Variants in TOX observed in about 807,000 individuals in gnomAD.
The protein encoded by TOX is thymocyte selection-associated high mobility group box protein TOX.
A neutral mutation model predicts 53.7 loss-of-function variants in TOX; 11 were observed. The ratio of observed to expected loss-of-function variants is 0.20; its 90% CI spans 0.13 to 0.34. The LOEUF is 0.34. TOX is among the 10% of genes least tolerant of loss of function. TOX has a pLI of 1.00. For missense variants in TOX, 570 were observed against 664.6 expected (o/e 0.86, Z 1.56); for synonymous variants, 225 against 245.3 (o/e 0.92, Z 0.77).
chr8:58,983,021 C>T (rs147052279), intron 1 of TOX, among the ~76,000 whole-genome samples: 78 of 152,314 alleles, frequency 5.1e-4, no homozygotes, highest in African/African-American at 1.5e-3. Context: ...TTTAACCATC[C>T]TTCTTCTGCA....
chr8:58,998,529 ATATATAT>A (rs2129417936), intron 1 of TOX, among the ~76,000 whole-genome samples: 1 of 15,852 alleles, frequency 6.3e-5, no homozygotes, highest in South Asian at 3.2e-3. Context: ...ATATATATAT[ATATATAT>A]ATAAATTTAT....
intron 1 of TOX, among the ~76,000 whole-genome samples, chr8:59,012,144 C>A (rs1813917998): frequency 6.6e-6 from 1 of 152,088 alleles, no homozygotes; most frequent in Non-Finnish European, 1.5e-5. Flanking sequence ...AGTAAAAATG[C>A]ATAAATGACC....
At chr8:58,879,905 C>A (rs1320120936) in intron 3 of TOX, among the ~76,000 whole-genome samples, 1 of 152,092 alleles carries the variant, frequency 6.6e-6, no homozygotes, top group Non-Finnish European at 1.5e-5. Context: ...ACTGGTACAA[C>A]CCATTTTTAA....
At chr8:59,082,361 G>A (rs1804425259) in intron 1 of TOX, among the ~76,000 whole-genome samples, 1 of 152,216 alleles carries the variant, frequency 6.6e-6, no homozygotes, top group Non-Finnish European at 1.5e-5. Context: ...TTGGCCTTGA[G>A]GCCATGAGAT....
chr8:58,956,443 G>C (rs1253304944), intron 2 of TOX, among the ~76,000 whole-genome samples: 2 of 152,132 alleles, frequency 1.3e-5, no homozygotes, highest in African/African-American at 4.8e-5. Context: ...TTATTGTATA[G>C]ATTTAGGGTG....
intron 3 of TOX, among the ~76,000 whole-genome samples, chr8:58,875,350 C>T (rs1348472508): frequency 2.0e-5 from 3 of 152,042 alleles, no homozygotes; most frequent in Admixed American, 6.6e-5. Context: ...TCAAAGATCT[C>T]GAAGTTAAAG....
chr8:58,880,886 C>T (rs931261426), intron 3 of TOX, among the ~76,000 whole-genome samples: 2 of 152,102 alleles, frequency 1.3e-5, no homozygotes, highest in Non-Finnish European at 2.9e-5. Context: ...TGGAAGTTAT[C>T]CTTGAATAGC....
chr8:58,975,088 G>A (rs1341313658), intron 1 of TOX, among the ~76,000 whole-genome samples: 1 of 151,318 alleles, frequency 6.6e-6, no homozygotes, highest in Admixed American at 6.6e-5. Flanking sequence ...TATGTATAAA[G>A]TTGTACATAT....
chr8:58,836,312 G>A (rs1387324102), intron 5 of TOX, among the ~76,000 whole-genome samples: 1 of 152,128 alleles, frequency 6.6e-6, no homozygotes, highest in East Asian at 1.9e-4. Context: ...CATCAGTTGG[G>A]AACCACACCT....
intron 1 of TOX, among the ~76,000 whole-genome samples, chr8:59,012,465 C>T (rs1249511307): frequency 1.3e-5 from 2 of 151,714 alleles, no homozygotes; most frequent in African/African-American, 4.8e-5. Flanking sequence ...CTGACCTGAC[C>T]CCATGCTTTG....
chr8:58,925,009 A>G (rs1469578131), intron 3 of TOX, among the ~76,000 whole-genome samples: 1 of 152,152 alleles, frequency 6.6e-6, no homozygotes, highest in Non-Finnish European at 1.5e-5. Context: ...TACTTTCCAG[A>G]AGCAGCCCCA....
At chr8:58,897,010 C>T (rs969810742) in intron 3 of TOX, among the ~76,000 whole-genome samples, 4 of 152,172 alleles carry the variant, frequency 2.6e-5, no homozygotes, top group Non-Finnish European at 5.9e-5. Context: ...TAGACTATAG[C>T]TCTGAGTGTA....
At chr8:58,998,493 GTATATATATATATATATATA>G (rs61434586) in intron 1 of TOX, among the ~76,000 whole-genome samples, 8 of 63,618 alleles carry the variant, frequency 1.3e-4, no homozygotes, top group South Asian at 1.0e-3. Context: ...CATCTCAAAA[GTATATATATATATATATATA>G]TATATATATA....
At chr8:58,832,764 C>T (rs189919563) in intron 5 of TOX, among the ~76,000 whole-genome samples, 3 of 152,294 alleles carry the variant, frequency 2.0e-5, no homozygotes, top group African/African-American at 4.8e-5. Flanking sequence ...ACATTCTTCC[C>T]ACTTGTGTCA....
At chr8:58,957,133 A>G (rs1021488207) in intron 2 of TOX, among the ~76,000 whole-genome samples, 2 of 152,202 alleles carry the variant, frequency 1.3e-5, no homozygotes, top group African/African-American at 2.4e-5. Context: ...TTAACGGGAC[A>G]AAGTTCAGGA....
intron 3 of TOX, among the ~76,000 whole-genome samples, chr8:58,891,654 T>G (rs1013750704): frequency 1.3e-5 from 2 of 152,218 alleles, no homozygotes; most frequent in African/African-American, 4.8e-5. Flanking sequence ...TTGAAAGAGT[T>G]TCTGTTAGAT....
Position 58,858,709 on chromosome 8 carries a change from C to A in TOX, c.412-6904G>T, listed in dbSNP as rs527343084. 2.0e-5 allele frequency among the ~76,000 whole-genome samples: 3 copies of A among 152,184 alleles called. No individual in the cohort carries two copies. In the East Asian group the frequency reaches 5.8e-4, roughly 29 times the overall value. ...TGCTTTCCCCAGGGCAATAAGGAGA[C>A]CCTGCTGGCTTTAGCTGTGACAAGT... On this transcript the variant is annotated intron_variant, in intron 3 of 8. Coordinates refer to ENST00000361421, the MANE Select transcript of TOX (RefSeq NM_014729.3).
At chr8:58,901,769 C>T (rs1269765135) in intron 3 of TOX, among the ~76,000 whole-genome samples, 1 of 152,048 alleles carries the variant, frequency 6.6e-6, no homozygotes, top group Non-Finnish European at 1.5e-5. Context: ...CTGGTTCAAG[C>T]TAGATCAGGA....
chr8:58,817,381 C>T (rs1246581558), intron 6 of TOX, among the ~76,000 whole-genome samples: 2 of 150,648 alleles, frequency 1.3e-5, no homozygotes, highest in Non-Finnish European at 3.0e-5. Flanking sequence ...CTAAGAGGTG[C>T]TTTTCATTAA....
Sources: allele counts gnomAD v4.1 joint callset (sites outside exome capture counted in the v4.1 genomes callset), GRCh38; gene constraint gnomAD v4.1.1; transcripts MANE v1.5; gene names NCBI Gene and HGNC (gene_info 2026-07-23, HGNC 2026-07-21).